Variants in TET2 observed in about 807,000 individuals in gnomAD.
TET2 encodes tet methylcytosine dioxygenase 2.
Under a neutral mutation model 142.9 loss-of-function variants are expected in TET2, and 299 were observed. That is an observed-to-expected ratio of 2.09 (90% CI 1.90 to 2.30). The LOEUF (loss-of-function observed/expected upper bound fraction) is 2.30, where lower values mean the gene tolerates loss of function less well. Ranked by LOEUF, TET2 falls within the 30% of genes most tolerant of loss-of-function variation. The pLI is 0.00. For synonymous variants in TET2, 819 were observed against 849.0 expected, an observed-to-expected ratio of 0.96 and a Z score of 0.61; for missense variants, 2,418 against 2,378.0, an observed-to-expected ratio of 1.02 and a Z score of -0.35.
chr4:105,258,157 C>G (rs896501292), intron 6 of TET2, among the ~76,000 whole-genome samples: 1 of 152,130 alleles, frequency 6.6e-6, no homozygotes, highest in Admixed American at 6.5e-5. Flanking sequence ...TTCCCTTGAA[C>G]AAATTCTCCC....
Position 105,234,598 on chromosome 4 carries a change from A to G in TET2, c.656A>G (p.Glu219Gly). ...NGATVSASSV[E>G]HTHGELLEKT... ...GCTACAGTTTCTGCCTCTTCCGTGG[A>G]ACACACACATGGTGAACTCCTGGAA... is the stretch of plus-strand genomic sequence containing the variant. The change falls in exon 3 of 11, where the codon GAA becomes GGA. Residue 219 changes from glutamate (E) to glycine (G), a missense_variant. Glu to Gly is a moderately conservative substitution (Grantham distance 98, BLOSUM62 -2). Coordinates refer to ENST00000380013, the MANE Select transcript of TET2 (RefSeq NM_001127208.3). 6.2e-7 allele frequency: 1 copy of G among 1,614,144 alleles called. No individual in the cohort carries two copies. Among genetic ancestry groups the G allele is most frequent in the South Asian group, 1.1e-5 (1 of 91,080 alleles).
In TET2 at chr4:105,236,471, G is replaced by A. The variant is rs1286177642; in HGVS notation, c.2529G>A (p.Glu843=). 6.2e-7 allele frequency: 1 copy of A among 1,614,034 alleles called. No homozygotes were observed. Among genetic ancestry groups the A allele is most frequent in the Non-Finnish European group, 8.5e-7 (1 of 1,179,998 alleles). Residue 843 remains glutamate, a synonymous_variant, in exon 3 of 11, where the codon GAG becomes GAA. Coordinates refer to ENST00000380013, the MANE Select transcript of TET2 (RefSeq NM_001127208.3). ...SCSNNTHLVS[E]NKEQTTHPEL... is the part of the protein sequence containing the mutation. Reference sequence around the variant, plus strand: ...CAAACAATACACACCTAGTTTCAGAGAATAAAGAACAGACTACACATCCTG... The same window carrying A: ...CAAACAATACACACCTAGTTTCAGAAAATAAAGAACAGACTACACATCCTG...
In TET2 at chr4:105,234,873, C is replaced by CT. The variant is rs765627452; in HGVS notation, c.932dup (p.Asn312LysfsTer19). 6.2e-7 allele frequency: 1 copy of CT among 1,614,072 alleles called. No homozygotes were observed. Among genetic ancestry groups the CT allele is most frequent in the Non-Finnish European group, 8.5e-7 (1 of 1,179,998 alleles). ...TAATGCCAGTAAACTAGCTGCAATGCTAAATACCTGTTCCTTTCAGAAACC... is the reference window on the plus strand; with the variant it reads ...TAATGCCAGTAAACTAGCTGCAATGCTTAAATACCTGTTCCTTTCAGAAACC... On this transcript the variant is annotated frameshift_variant, in exon 3 of 11. Coordinates refer to ENST00000380013, the MANE Select transcript of TET2 (RefSeq NM_001127208.3). LOFTEE classifies it high-confidence loss of function.
rs1039440302 is a variant in TET2, at chr4:105,230,884, T to G, written c.-46-3013T>G. ...AGATTGTTTTTAACTTTTGGGGGGG[T>G]TTTATTTCCTGTATTCAAATATTAA... On this transcript the variant is annotated intron_variant, in intron 2 of 10. Coordinates refer to ENST00000380013, the MANE Select transcript of TET2 (RefSeq NM_001127208.3). 5.9e-5 allele frequency among the ~76,000 whole-genome samples: 9 copies of G among 152,128 alleles called. No individual in the cohort carries two copies. The East Asian group carries it at 1.3e-3, about 23-fold the overall frequency.
chr4:105,157,330 T>G lies in TET2; in HGVS notation c.-193+10351T>G, dbSNP rs142842074. Among the ~76,000 whole-genome samples the G allele has an allele frequency of 1.8e-3, 273 of 152,258 alleles. 2 individuals are homozygous for G. The highest frequency in any genetic ancestry group is 0.014 in the Admixed American group (207 of 15,304). ...TTACCATATAAATTATTTATTTTAG[T>G]AAATAATTATTTTAGTACAAACAGA... On this transcript the variant is annotated intron_variant, in intron 1 of 10. Coordinates refer to ENST00000380013, the MANE Select transcript of TET2 (RefSeq NM_001127208.3).
chr4:105,264,144 C>T (rs913884121), intron 8 of TET2, among the ~76,000 whole-genome samples: 5 of 148,070 alleles, frequency 3.4e-5, no homozygotes, highest in African/African-American at 7.5e-5. Flanking sequence ...GCAAATTAAA[C>T]GATGGTCTAT....
At position 105,236,712 on chromosome 4, in the gene TET2, C is replaced by G. The variant is rs1265614268; in HGVS notation, c.2770C>G (p.His924Asp). Residue 924 changes from histidine (H) to aspartate (D), a missense_variant, in exon 3 of 11, where the codon CAT becomes GAT. Transcript: ENST00000380013. The part of the protein sequence containing the change: ...LAQQRYLIHN[H>D]ANVFPVPDQG... ...TCAGCAAAGGTACTTGATACATAAC[C>G]ATGCAAATGTTTTTCCTGTGCCTGA... The G allele has an allele frequency of 6.2e-7, 1 of 1,614,064 alleles. No homozygotes were observed. Among genetic ancestry groups the G allele is most frequent in the Non-Finnish European group, 8.5e-7 (1 of 1,180,014 alleles).
intron 1 of TET2, among the ~76,000 whole-genome samples, chr4:105,158,931 C>T (rs1254928852): frequency 6.6e-6 from 1 of 152,156 alleles, no homozygotes; most frequent in Non-Finnish European, 1.5e-5. Flanking sequence ...ATTGTAGACG[C>T]TTTCTCTCCT....
At chr4:105,246,420 A>G (rs967569759) in intron 6 of TET2, among the ~76,000 whole-genome samples, 14 of 152,242 alleles carry the variant, frequency 9.2e-5, no homozygotes, top group Non-Finnish European at 2.9e-5. Flanking sequence ...ACATGCTTCA[A>G]ATATGAAGAC....
At chr4:105,260,066 C>T (rs1438208769) in intron 7 of TET2, among the ~76,000 whole-genome samples, 1 of 152,066 alleles carries the variant, frequency 6.6e-6, no homozygotes, top group Non-Finnish European at 1.5e-5. Context: ...CATATTTTGA[C>T]TCTGAATTAT....
In TET2 at chr4:105,279,798, C is replaced by T. The variant is rs574867576; in HGVS notation, c.*3279C>T. On this transcript the variant is annotated 3_prime_UTR_variant, in exon 11 of 11. Coordinates refer to ENST00000380013, the MANE Select transcript of TET2 (RefSeq NM_001127208.3). ...ATAAAATTTATATTTATTTAATGCA[C>T]TCTAAGTGTTGTCTTCCTGAAGTTT... The T allele has an allele frequency of 6.2e-5, 13 of 208,490 alleles. No individual in the cohort carries two copies. In the South Asian group the frequency reaches 2.3e-3, roughly 36 times the overall value. 12.9% of individuals were successfully genotyped at this position (208,490 alleles called of 1,614,324 possible).
chr4:105,204,264 CACACATACATACAT>C (rs1183939144), intron 2 of TET2, among the ~76,000 whole-genome samples: 2 of 141,998 alleles, frequency 1.4e-5, no homozygotes, highest in African/African-American at 5.9e-5. Context: ...CACACACACA[CACACATACATACAT>C]ACATTAGAAA....
chr4:105,221,704 T>A (rs1298625928), intron 2 of TET2, among the ~76,000 whole-genome samples: 1 of 152,012 alleles, frequency 6.6e-6, no homozygotes, highest in Non-Finnish European at 1.5e-5. Flanking sequence ...TTTTTCTTTT[T>A]TTTTATTTTT....
intron 2 of TET2, among the ~76,000 whole-genome samples, chr4:105,221,630 C>G (rs1727824557): frequency 6.6e-6 from 1 of 152,166 alleles, no homozygotes; most frequent in African/African-American, 2.4e-5. Flanking sequence ...GTCCAATTAA[C>G]ACCTTTTCAG....
chr4:105,233,417 CAGG>C (rs1004670408), intron 2 of TET2, among the ~76,000 whole-genome samples: 33 of 135,882 alleles, frequency 2.4e-4, no homozygotes, highest in African/African-American at 9.4e-4. Context: ...TGCAGTAGAT[CAGG>C]AGGAGGCACA....
rs762148746 is a variant in TET2, at chr4:105,276,408, T to C, written c.5898T>C (p.Arg1966=). Residue 1966 remains arginine, a synonymous_variant, in exon 11 of 11, where the codon CGT becomes CGC. Coordinates refer to ENST00000380013, the MANE Select transcript of TET2 (RefSeq NM_001127208.3). ...PHETSEPTYL[R]FIKSLAERTM... ...AAACTTCAGAGCCCACTTACCTGCGTTTCATCAAGTCTCTTGCCGAAAGGA... is the reference window on the plus strand; with the variant it reads ...AAACTTCAGAGCCCACTTACCTGCGCTTCATCAAGTCTCTTGCCGAAAGGA... 25 of 1,551,730 alleles carry C rather than the reference T, an allele frequency of 1.6e-5. No individual in the cohort carries two copies. The highest frequency in any genetic ancestry group is 2.0e-5 in the Non-Finnish European group (23 of 1,147,022).
In TET2 at chr4:105,243,759, C is replaced by T. The variant is rs1361899165; in HGVS notation, c.3784C>T (p.Arg1262Trp). Residue 1262 changes from arginine (R) to tryptophan (W), a missense_variant, in exon 6 of 11, where the codon CGG becomes TGG. Coordinates refer to ENST00000380013, the MANE Select transcript of TET2 (RefSeq NM_001127208.3). ...LRKYGTLTNR[R>W]CALNEERTCA... ...GAAATACGGCACGCTCACCAATCGC[C>T]GGTGTGCCTTGAATGAAGAGTAAGT... The T allele has an allele frequency of 4.5e-6, 7 of 1,551,328 alleles. No individual in the cohort carries two copies. The highest frequency in any genetic ancestry group is 2.4e-5 in the East Asian group (1 of 40,926).
chr4:105,265,313 C>T (rs370617416), intron 8 of TET2, among the ~76,000 whole-genome samples: 57 of 152,296 alleles, frequency 3.7e-4, no homozygotes, highest in African/African-American at 1.2e-3. Context: ...CAAACAGCCA[C>T]ATGTGGATAA....
chr4:105,175,230 T>G (rs1724713635), intron 1 of TET2, among the ~76,000 whole-genome samples: 1 of 152,106 alleles, frequency 6.6e-6, no homozygotes, highest in South Asian at 2.1e-4. Context: ...AGACACTGAA[T>G]AAGCATCAGA....
Sources: allele counts gnomAD v4.1 joint callset (sites outside exome capture counted in the v4.1 genomes callset), GRCh38; gene constraint gnomAD v4.1.1; transcripts MANE v1.5; gene names NCBI Gene and HGNC (gene_info 2026-07-23, HGNC 2026-07-21).